Variants in PREX1 observed in about 807,000 individuals in gnomAD.
PREX1 encodes phosphatidylinositol-3,4,5-trisphosphate dependent Rac exchange factor 1.
Under a neutral mutation model 198.3 loss-of-function variants are expected in PREX1, and 41 were observed. The ratio of observed to expected loss-of-function variants is 0.21; its 90% CI spans 0.16 to 0.27. The LOEUF (loss-of-function observed/expected upper bound fraction) is 0.27. Among genes scored for constraint, PREX1 ranks in the 10% least tolerant of loss-of-function variants. The probability of loss-of-function intolerance (pLI) is 1.00; values close to 1 mark genes in which losing one functional copy is unlikely to be tolerated. For missense variants in PREX1, 1,620 were observed against 2,200.7 expected (o/e 0.74, Z 5.28); for synonymous variants, 843 against 887.2 (o/e 0.95, Z 0.89).
At chr20:48,655,958 C>T (rs984725326) in intron 18 of PREX1, among the ~76,000 whole-genome samples, 1 of 152,124 alleles carries the variant, frequency 6.6e-6, no homozygotes, top group Non-Finnish European at 1.5e-5. Flanking sequence ...CACAATTGTC[C>T]CTCCCATTCC....
intron 26 of PREX1, 137 bp downstream of exon 26, chr20:48,645,714 C>T: frequency 1.0e-6 from 1 of 995,042 alleles, no homozygotes; most frequent in Non-Finnish European, 1.5e-6. Flanking sequence ...CCCCCAGAAC[C>T]ACGCTATCAG....
intron 5 of PREX1, among the ~76,000 whole-genome samples, chr20:48,725,276 G>A (rs1449330121): frequency 2.0e-5 from 3 of 152,234 alleles, no homozygotes; most frequent in Non-Finnish European, 4.4e-5. Flanking sequence ...AAACACAGCT[G>A]CCTTCAGGAC....
the PREX1 span, among the ~76,000 whole-genome samples, chr20:48,866,600 C>A: frequency 1.3e-5 from 2 of 152,200 alleles, no homozygotes; most frequent in Middle Eastern, 3.4e-3. Flanking sequence ...TCCCATGGGG[C>A]GAGGGTTGGG....
chr20:48,848,331 T>C, the PREX1 span, among the ~76,000 whole-genome samples: 2,000 of 152,028 alleles, frequency 0.013, 43 homozygotes, highest in African/African-American at 0.046. Context: ...TGTGGCTCAC[T>C]GCACCCTCAA....
chr20:48,650,505 G>T (rs547412686), intron 23 of PREX1, among the ~76,000 whole-genome samples: 1 of 152,322 alleles, frequency 6.6e-6, no homozygotes, highest in Admixed American at 6.5e-5. Context: ...TGAGGTTCAG[G>T]GTCAACGTGC....
At chr20:48,793,328 G>A (rs1313799696) in intron 1 of PREX1, among the ~76,000 whole-genome samples, 2 of 152,190 alleles carry the variant, frequency 1.3e-5, no homozygotes, top group African/African-American at 2.4e-5. Context: ...TGATTAAAAC[G>A]TTCTGAAATT....
chr20:48,675,959 C>T (rs1436555272), intron 14 of PREX1, among the ~76,000 whole-genome samples: 1 of 151,766 alleles, frequency 6.6e-6, no homozygotes, highest in Non-Finnish European at 1.5e-5. Flanking sequence ...ATTGCTTGAA[C>T]CTGGGAGGCG....
At chr20:48,732,327 A>G (rs2090037966) in intron 4 of PREX1, among the ~76,000 whole-genome samples, 2 of 151,730 alleles carry the variant, frequency 1.3e-5, no homozygotes, top group South Asian at 4.1e-4. Flanking sequence ...TTTGGAATCG[A>G]AATTCTGGAA....
the PREX1 span, among the ~76,000 whole-genome samples, chr20:48,856,218 T>C: frequency 6.6e-6 from 1 of 152,202 alleles, no homozygotes; most frequent in African/African-American, 2.4e-5. Context: ...CTTTCTTCTC[T>C]GCCAAACTAG....
chr20:48,744,281 C>T (rs1440712995), intron 3 of PREX1, among the ~76,000 whole-genome samples: 1 of 152,160 alleles, frequency 6.6e-6, no homozygotes, highest in Admixed American at 6.6e-5. Context: ...CTGCTCTAGA[C>T]TCTCTACCCG....
At chr20:48,883,158 C>G in the PREX1 span, among the ~76,000 whole-genome samples, 1 of 152,116 alleles carries the variant, frequency 6.6e-6, no homozygotes, top group Admixed American at 6.5e-5. Context: ...TGGTCTTAAA[C>G]TCCTGACCTC....
chr20:48,839,998 C>T, the PREX1 span, among the ~76,000 whole-genome samples: 1 of 152,142 alleles, frequency 6.6e-6, no homozygotes. Context: ...CTGTTTATTA[C>T]AATTGCAATT....
chr20:48,761,934 C>T (rs1421461943), intron 1 of PREX1, among the ~76,000 whole-genome samples: 2 of 152,190 alleles, frequency 1.3e-5, no homozygotes, highest in Non-Finnish European at 2.9e-5. Context: ...CAAATGCCCA[C>T]AAGGCTGCAG....
In PREX1 at chr20:48,661,644, C is replaced by T. The variant is rs1026527999; in HGVS notation, c.1739-1583G>A. The stretch of plus-strand genomic sequence containing the variant: ...AGTATCAACCAATTGGTGATCTGAT[C>T]CCTGTAACTTACAACTTAACTGGGC... On this transcript the variant is annotated intron_variant, in intron 15 of 39. Coordinates refer to ENST00000371941, the MANE Select transcript of PREX1 (RefSeq NM_020820.4). 2.7e-5 allele frequency among the ~76,000 whole-genome samples: 4 copies of T among 149,956 alleles called. No homozygotes were observed. In the East Asian group the frequency reaches 7.9e-4, roughly 30 times the overall value.
Position 48,659,912 on chromosome 20 carries a change from C to T in PREX1, c.1881+7G>A, listed in dbSNP as rs1196493033. The T allele has an allele frequency of 6.2e-7, 1 of 1,613,946 alleles. No individual in the cohort carries two copies. The highest frequency in any genetic ancestry group is 1.3e-5 in the African/African-American group (1 of 74,934). ...AGGAAGGGACAGCTGCTCAGCTGTG[C>T]TCCTACCAGCAGGCGCTTGGCCAGA... is the stretch of plus-strand genomic sequence containing the variant. On this transcript the variant is annotated splice_region_variant and intron_variant, in intron 16 of 39. Coordinates refer to ENST00000371941, the MANE Select transcript of PREX1 (RefSeq NM_020820.4).
At chr20:48,726,164 G>T in intron 5 of PREX1, 126 bp downstream of exon 5, 1 of 735,114 alleles carries the variant, frequency 1.4e-6, no homozygotes, top group Non-Finnish European at 2.3e-6. Flanking sequence ...GCAGGGTCCT[G>T]GTTTAAATCC....
intron 7 of PREX1, among the ~76,000 whole-genome samples, chr20:48,696,606 C>CACATACATACAT (rs56182314): frequency 2.2e-4 from 31 of 142,934 alleles, no homozygotes; most frequent in African/African-American, 7.4e-4. Flanking sequence ...TACACACACA[C>CACATACATACAT]ACATACATAC....
intron 32 of PREX1, 110 bp from the exon 33 acceptor site, chr20:48,634,885 T>A (rs1388198773): frequency 1.1e-6 from 1 of 880,722 alleles, no homozygotes; most frequent in Non-Finnish European, 1.8e-6. Flanking sequence ...GTGGGCCCCC[T>A]GGGTGCCAGG....
intron 1 of PREX1, among the ~76,000 whole-genome samples, chr20:48,822,858 C>T (rs558767594): frequency 6.6e-6 from 1 of 152,226 alleles, no homozygotes; most frequent in South Asian, 2.1e-4. Context: ...ATGAGGACCA[C>T]GTGAAAATCC....
Sources: gnomAD v4.1 joint callset for allele counts (sites outside exome capture counted in the v4.1 genomes callset) on GRCh38, gnomAD v4.1.1 for gene constraint, MANE v1.5 for transcripts, NCBI Gene and HGNC (gene_info 2026-07-23, HGNC 2026-07-21) for gene names.